Variants in COLEC12 observed in about 807,000 individuals in gnomAD.
COLEC12 encodes the protein collectin subfamily member 12.
In COLEC12, 33 loss-of-function variants were observed where a neutral mutation model predicts 71.1. That is an observed-to-expected ratio of 0.46 (90% CI 0.35 to 0.62). The LOEUF is 0.62. Ranked by LOEUF, COLEC12 falls within the 20% of genes least tolerant of loss-of-function variation. COLEC12 has a pLI of 0.00. For synonymous variants in COLEC12, 350 were observed against 353.0 expected, an observed-to-expected ratio of 0.99 and a Z score of 0.10; for missense variants, 765 against 916.1, an observed-to-expected ratio of 0.84 and a Z score of 2.13.
chr18:488,892 G>A (rs1917569672), intron 1 of COLEC12, among the ~76,000 whole-genome samples: 1 of 141,810 alleles, frequency 7.1e-6, no homozygotes, highest in African/African-American at 2.6e-5. Context: ...AAAAAAAAAA[G>A]AAAAGAAAAT....
chr18:438,424 T>C (rs1916448273), intron 2 of COLEC12, among the ~76,000 whole-genome samples: 2 of 152,218 alleles, frequency 1.3e-5, no homozygotes, highest in Non-Finnish European at 2.9e-5. Context: ...GAAGTATTTG[T>C]CATTTTAATT....
intron 5 of COLEC12, among the ~76,000 whole-genome samples, chr18:336,236 T>A (rs981302874): frequency 6.6e-6 from 1 of 152,012 alleles, no homozygotes; most frequent in Non-Finnish European, 1.5e-5. Context: ...TGGGCCTCAC[T>A]CACCCATGGG....
intron 3 of COLEC12, 86 bp downstream of exon 3, chr18:357,314 T>A (rs1312933331): frequency 7.9e-7 from 1 of 1,267,812 alleles, no homozygotes. Flanking sequence ...ATGAAATACT[T>A]CGTATTTGCA....
intron 2 of COLEC12, among the ~76,000 whole-genome samples, chr18:462,430 T>C (rs538324965): frequency 9.2e-5 from 14 of 152,192 alleles, no homozygotes; most frequent in Non-Finnish European, 2.1e-4. Context: ...CAATATATTA[T>C]GTGATTCCAG....
chr18:360,554 G>A (rs1473947477), intron 2 of COLEC12, among the ~76,000 whole-genome samples: 4 of 147,800 alleles, frequency 2.7e-5, no homozygotes, highest in Admixed American at 6.7e-5. Context: ...CTGATGCTGC[G>A]GTCTGTGGAC....
At chr18:429,405 A>C (rs901704871) in intron 2 of COLEC12, among the ~76,000 whole-genome samples, 4 of 150,542 alleles carry the variant, frequency 2.7e-5, no homozygotes, top group African/African-American at 7.3e-5. Flanking sequence ...TTTTTAAGAC[A>C]GTGTCTCACT....
rs570538294 is a variant in COLEC12 at position 362,033 on chromosome 18, G to A, written c.59-4511C>T. 1.3e-5 allele frequency among the ~76,000 whole-genome samples: 2 copies of A among 152,290 alleles called. No homozygotes were observed. The highest frequency in any genetic ancestry group is 4.8e-5 in the African/African-American group (2 of 41,558). On this transcript the variant is annotated intron_variant, in intron 2 of 9. Transcript: ENST00000400256. This position sits in a 1 kb window ranked among gnomAD's most constrained non-coding sequence, Gnocchi z 4.6. The stretch of plus-strand genomic sequence containing the variant: ...ATTGTGTCATTGATGGGAAAAGAGA[G>A]GCCCAGAGAGGGGAAGCAGGATCAG...
intron 2 of COLEC12, among the ~76,000 whole-genome samples, chr18:431,440 G>C (rs1033510955): frequency 7.9e-5 from 12 of 152,274 alleles, no homozygotes; most frequent in African/African-American, 2.6e-4. Flanking sequence ...GAAGCACGTT[G>C]GCAGATGCCT....
intron 3 of COLEC12, among the ~76,000 whole-genome samples, chr18:353,759 G>T (rs1405037245): frequency 6.6e-6 from 1 of 152,180 alleles, no homozygotes; most frequent in Non-Finnish European, 1.5e-5. Flanking sequence ...GGGACCTGGG[G>T]CTTCCCAGTA....
intron 2 of COLEC12, among the ~76,000 whole-genome samples, chr18:442,010 C>CT (rs758287775): frequency 1.8e-5 from 1 of 55,448 alleles, no homozygotes; most frequent in Non-Finnish European, 4.2e-5. Context: ...TCTACACACA[C>CT]ACACACACAC....
intron 2 of COLEC12, among the ~76,000 whole-genome samples, chr18:443,126 T>C (rs969166517): frequency 6.6e-6 from 1 of 152,240 alleles, no homozygotes; most frequent in Non-Finnish European, 1.5e-5. Flanking sequence ...TAATACGGAA[T>C]TATATGGTAC....
At chr18:441,465 A>C (rs1462685138) in intron 2 of COLEC12, among the ~76,000 whole-genome samples, 2 of 152,094 alleles carry the variant, frequency 1.3e-5, no homozygotes, top group Non-Finnish European at 2.9e-5. Flanking sequence ...TGCTGAGTAC[A>C]TAATGGTGCG....
intron 2 of COLEC12, among the ~76,000 whole-genome samples, chr18:418,536 T>C (rs906694524): frequency 1.3e-5 from 2 of 152,204 alleles, no homozygotes; most frequent in African/African-American, 4.8e-5. Context: ...GTTAAGGCAT[T>C]CTAAATCACA....
At chr18:333,318 T>A (rs902832645) in intron 6 of COLEC12, 175 bp from the exon 7 acceptor site, 2 of 557,304 alleles carry the variant, frequency 3.6e-6, no homozygotes, top group Non-Finnish European at 6.3e-6. Flanking sequence ...TGACCCAAAG[T>A]GGACTGCAGA....
intron 2 of COLEC12, among the ~76,000 whole-genome samples, chr18:366,934 C>T (rs1213230855): frequency 2.0e-5 from 3 of 152,228 alleles, no homozygotes; most frequent in Non-Finnish European, 4.4e-5. Flanking sequence ...AAGGCTGATG[C>T]CACAGGGAGC....
At chr18:474,156 C>T (rs1284542137) in intron 2 of COLEC12, among the ~76,000 whole-genome samples, 3 of 152,182 alleles carry the variant, frequency 2.0e-5, no homozygotes, top group African/African-American at 7.2e-5. Context: ...GTGAGCTTCC[C>T]AGTCACAAGT....
chr18:383,896 C>A (rs1915287455), intron 2 of COLEC12, among the ~76,000 whole-genome samples: 1 of 152,188 alleles, frequency 6.6e-6, no homozygotes, highest in Admixed American at 6.5e-5. Flanking sequence ...AAAGTCACAT[C>A]TTACATGGTG....
At chr18:337,743 T>C (rs984323091) in intron 5 of COLEC12, among the ~76,000 whole-genome samples, 1 of 152,146 alleles carries the variant, frequency 6.6e-6, no homozygotes, top group African/African-American at 2.4e-5. Context: ...GGGTCCATTT[T>C]CTCAGGTTCC....
At chr18:499,879 C>CCCAT (rs1304059998) in intron 1 of COLEC12, among the ~76,000 whole-genome samples, 1 of 151,390 alleles carries the variant, frequency 6.6e-6, no homozygotes, top group African/African-American at 2.4e-5. Context: ...AGTGGGCACA[C>CCCAT]CCCAAGGCGG....
Sources: allele counts gnomAD v4.1 joint callset (sites outside exome capture counted in the v4.1 genomes callset), GRCh38; gene constraint gnomAD v4.1.1; non-coding constraint Gnocchi (gnomAD v3.1); transcripts MANE v1.5; gene names NCBI Gene and HGNC (gene_info 2026-07-23, HGNC 2026-07-21).